Variants in CDH12 observed in about 807,000 individuals in gnomAD.
CDH12 encodes cadherin-12.
CDH12 carries 41 observed loss-of-function variants against 74.1 expected under a neutral mutation model. The observed-to-expected ratio is 0.55, with a 90% CI of 0.43 to 0.72. CDH12 has a LOEUF of 0.72. CDH12 is among the 30% of genes least tolerant of loss of function. CDH12 has a pLI of 0.00. For synonymous variants in CDH12, 399 were observed against 355.0 expected (o/e 1.12, Z -1.39); for missense variants, 945 against 977.2 (o/e 0.97, Z 0.44).
chr5:22,309,741 G>T (rs1327873666), intron 3 of CDH12, among the ~76,000 whole-genome samples: 1 of 151,840 alleles, frequency 6.6e-6, no homozygotes, highest in Non-Finnish European at 1.5e-5. Flanking sequence ...TATATTTTAA[G>T]GTTAGTCACC....
chr5:22,032,860 A>C (rs1469496724), intron 5 of CDH12, among the ~76,000 whole-genome samples: 1 of 150,882 alleles, frequency 6.6e-6, no homozygotes, highest in African/African-American at 2.4e-5. Context: ...GAAGGACTCC[A>C]GTGCAGAATG....
At chr5:22,580,566 T>C (rs562072780) in intron 1 of CDH12, 44 of 474,078 alleles carry the variant, frequency 9.3e-5, no homozygotes, top group Non-Finnish European at 1.3e-4. Context: ...GCTGTATGTG[T>C]CTTGTGCTCA....
intron 6 of CDH12, among the ~76,000 whole-genome samples, chr5:21,914,298 A>G (rs2150066214): frequency 1.3e-5 from 2 of 152,322 alleles, no homozygotes; most frequent in East Asian, 3.9e-4. Flanking sequence ...TTTATATCCA[A>G]TAAGGGTGAA....
At chr5:22,645,851 T>C (rs1739408268) in intron 1 of CDH12, among the ~76,000 whole-genome samples, 1 of 151,984 alleles carries the variant, frequency 6.6e-6, no homozygotes, top group African/African-American at 2.4e-5. Context: ...TAGATGCTCA[T>C]TAGCATTTAT....
chr5:22,425,920 A>G (rs1435342793), intron 2 of CDH12, among the ~76,000 whole-genome samples: 1 of 152,030 alleles, frequency 6.6e-6, no homozygotes, highest in Non-Finnish European at 1.5e-5. Flanking sequence ...ACACATTTGC[A>G]TACCATGCCA....
intron 4 of CDH12, among the ~76,000 whole-genome samples, chr5:22,204,972 C>T (rs1383407450): frequency 6.6e-6 from 1 of 152,174 alleles, no homozygotes; most frequent in African/African-American, 2.4e-5. Flanking sequence ...TCAGGCTGAG[C>T]ATATTATGCA....
intron 3 of CDH12, among the ~76,000 whole-genome samples, chr5:22,244,792 GAAAGAA>G (rs1167027874): frequency 7.8e-6 from 1 of 128,862 alleles, no homozygotes; most frequent in African/African-American, 2.9e-5. Context: ...AAGAAAGAAA[GAAAGAA>G]AGAAAAATTC....
chr5:22,755,400 C>T (rs1445134774), intron 1 of CDH12, among the ~76,000 whole-genome samples: 3 of 152,046 alleles, frequency 2.0e-5, no homozygotes, highest in Non-Finnish European at 4.4e-5. Flanking sequence ...CTTTATGAGG[C>T]TAATACATGA....
chr5:22,623,546 A>T (rs1368439752), intron 1 of CDH12, among the ~76,000 whole-genome samples: 1 of 152,220 alleles, frequency 6.6e-6, no homozygotes, highest in Non-Finnish European at 1.5e-5. Context: ...CCAAATCATG[A>T]GTGAACTCCC....
At chr5:22,747,376 C>T (rs571165256) in intron 1 of CDH12, among the ~76,000 whole-genome samples, 71 of 149,454 alleles carry the variant, frequency 4.8e-4, no homozygotes, top group Non-Finnish European at 9.6e-4. Context: ...GTAATCTGAG[C>T]AGTTTAGGAG....
At chr5:22,306,330 T>C (rs1028806651) in intron 3 of CDH12, among the ~76,000 whole-genome samples, 8 of 149,584 alleles carry the variant, frequency 5.3e-5, no homozygotes, top group Non-Finnish European at 8.9e-5. Context: ...CCTTGTGGTA[T>C]AAGGAAAAAA....
intron 1 of CDH12, among the ~76,000 whole-genome samples, chr5:22,813,025 G>A (rs1345523768): frequency 2.0e-5 from 3 of 152,070 alleles, no homozygotes; most frequent in Non-Finnish European, 2.9e-5. Context: ...TTTAGGAATA[G>A]CAAATAAGAC....
At chr5:22,527,081 T>C (rs1168746047) in intron 1 of CDH12, among the ~76,000 whole-genome samples, 1 of 152,150 alleles carries the variant, frequency 6.6e-6, no homozygotes, top group Non-Finnish European at 1.5e-5. Flanking sequence ...TAGTGTCAGT[T>C]CAGAACCAGT....
intron 10 of CDH12, among the ~76,000 whole-genome samples, chr5:21,797,224 A>T (rs937826813): frequency 2.6e-5 from 4 of 151,942 alleles, no homozygotes; most frequent in African/African-American, 9.7e-5. Flanking sequence ...AAGATGATGA[A>T]GATGATGATG....
chr5:22,603,196 T>C (rs1321541306), intron 1 of CDH12, among the ~76,000 whole-genome samples: 2 of 151,794 alleles, frequency 1.3e-5, no homozygotes, highest in Admixed American at 6.6e-5. Context: ...AAATCTCTCA[T>C]AGAAAAAGAT....
chr5:22,158,318 T>C (rs1242334683), intron 4 of CDH12, among the ~76,000 whole-genome samples: 1 of 152,050 alleles, frequency 6.6e-6, no homozygotes, highest in Non-Finnish European at 1.5e-5. Flanking sequence ...TGTATCTGTG[T>C]TTTTACATGC....
At chr5:22,781,734 G>T (rs1272144038) in intron 1 of CDH12, among the ~76,000 whole-genome samples, 3 of 152,132 alleles carry the variant, frequency 2.0e-5, no homozygotes, top group Non-Finnish European at 4.4e-5. Context: ...TCCCATGAAA[G>T]GATGGTGAGG....
At chr5:22,627,374 A>G (rs1453310313) in intron 1 of CDH12, among the ~76,000 whole-genome samples, 3 of 151,824 alleles carry the variant, frequency 2.0e-5, no homozygotes, top group Admixed American at 2.0e-4. Context: ...GGAACCCATC[A>G]GGCTAACATC....
intron 1 of CDH12, among the ~76,000 whole-genome samples, chr5:22,586,837 A>ATTTTTTTTTTTTTTTTTTTT (rs11417237): frequency 9.5e-6 from 1 of 105,450 alleles, no homozygotes; most frequent in Non-Finnish European, 1.8e-5. Context: ...TTAGAGGAGG[A>ATTTTTTTTTTTTTTTTTTTT]TTTTTTTTTT....
Sources: gnomAD v4.1 joint callset for allele counts (sites outside exome capture counted in the v4.1 genomes callset) on GRCh38, gnomAD v4.1.1 for gene constraint, MANE v1.5 for transcripts, NCBI Gene and HGNC (gene_info 2026-07-23, HGNC 2026-07-21) for gene names.